Variants in SLC3A1 observed in about 807,000 individuals in gnomAD.
SLC3A1 encodes the protein solute carrier family 3 member 1, also known as amino acid transporter heavy chain SLC3A1.
Under a neutral mutation model 60.3 loss-of-function variants are expected in SLC3A1, and 78 were observed. The ratio of observed to expected loss-of-function variants is 1.29; its 90% CI spans 1.08 to 1.56. The LOEUF is 1.56. SLC3A1 is among the 40% of genes most tolerant of loss of function. The probability of loss-of-function intolerance (pLI) is 0.00; values close to 1 mark genes in which losing one functional copy is unlikely to be tolerated. For synonymous variants in SLC3A1, 392 were observed against 307.9 expected, an observed-to-expected ratio of 1.27 and a Z score of -2.86; for missense variants, 1,172 against 858.9, an observed-to-expected ratio of 1.36 and a Z score of -4.56.
At chr2:44,300,369 A>T (rs1199446232) in intron 5 of SLC3A1, among the ~76,000 whole-genome samples, 1 of 152,226 alleles carries the variant, frequency 6.6e-6, no homozygotes, top group Non-Finnish European at 1.5e-5. Flanking sequence ...CAAGGGCCAC[A>T]AAATAGAGGA....
chr2:44,303,797 T>C, intron 6 of SLC3A1: 2 of 445,754 alleles, frequency 4.5e-6, no homozygotes, highest in South Asian at 4.4e-5. Flanking sequence ...GTTCTCGTTA[T>C]TCAACTCCCA....
At position 44,300,027 on chromosome 2, in the gene SLC3A1, T is replaced by A; in HGVS notation, c.948T>A (p.Val316=). 3 of 1,613,870 alleles carry A rather than the reference T, an allele frequency of 1.9e-6. No individual in the cohort carries two copies. Among genetic ancestry groups the A allele is most frequent in the Non-Finnish European group, 2.5e-6 (3 of 1,179,742 alleles). ...KGVDGFSLDA[V]KFLLEAKHLR... ...TTGATGGTTTTAGTTTGGATGCTGTTAAATTCCTCCTAGAAGCAAAGCACC... is the reference window on the plus strand; with the variant it reads ...TTGATGGTTTTAGTTTGGATGCTGTAAAATTCCTCCTAGAAGCAAAGCACC... The change falls in exon 5 of 10, where the codon GTT becomes GTA. Residue 316 remains valine (V), a synonymous_variant. Coordinates refer to ENST00000260649, the MANE Select transcript of SLC3A1 (RefSeq NM_000341.4).
At chr2:44,300,569 G>C (rs1239174567) in intron 5 of SLC3A1, among the ~76,000 whole-genome samples, 2 of 152,148 alleles carry the variant, frequency 1.3e-5, no homozygotes, top group Non-Finnish European at 2.9e-5. Flanking sequence ...CCCCGAGAAA[G>C]TATAACAGTT....
At position 44,301,050 on chromosome 2, in the gene SLC3A1, G is replaced by A. The variant is rs371470993; in HGVS notation, c.1059G>A (p.Thr353=). The part of the protein sequence containing the change: ...YSELYHDFTT[T]QVGMHDIVRS... The stretch of plus-strand genomic sequence containing the variant: ...AGCTGTACCATGACTTCACCACCAC[G>A]CAGGTGGGAATGCACGACATTGTCC... Residue 353 remains threonine, a synonymous_variant, in exon 6 of 10, where the codon ACG becomes ACA. Transcript: ENST00000260649. 40 of 1,613,928 alleles carry A rather than the reference G, an allele frequency of 2.5e-5. No individual in the cohort carries two copies. Among genetic ancestry groups the A allele is most frequent in the Admixed American group, 1.5e-4 (9 of 60,000 alleles).
chr2:44,292,522 C>T (rs1256535609), intron 4 of SLC3A1, among the ~76,000 whole-genome samples: 4 of 151,910 alleles, frequency 2.6e-5, no homozygotes, highest in South Asian at 4.2e-4. Flanking sequence ...GGCTTATATT[C>T]TGGGGTGGGA....
chr2:44,321,774 C>A (rs753998704), downstream of SLC3A1: 1 of 1,613,554 alleles, frequency 6.2e-7, no homozygotes, highest in Non-Finnish European at 8.5e-7. Context: ...AATGTGAAAA[C>A]AACATGTATC....
intron 3 of SLC3A1, among the ~76,000 whole-genome samples, chr2:44,281,879 A>AT (rs978816071): frequency 2.3e-4 from 34 of 149,592 alleles, no homozygotes; most frequent in Admixed American, 1.5e-3. Context: ...ACCCCTTTGC[A>AT]TTTTTTTTTC....
rs1183958914 is a variant in SLC3A1, at chr2:44,275,567, T to C, written c.32T>C (p.Ile11Thr). Residue 11 changes from isoleucine to threonine, a missense_variant, in exon 1 of 10, where the codon ATC becomes ACC. Coordinates refer to ENST00000260649, the MANE Select transcript of SLC3A1 (RefSeq NM_000341.4). MAEDKSKRDS[I>T]EMSMKGCQTN... is the part of the protein sequence containing the mutation. ...GAAGATAAAAGCAAGAGAGACTCCA[T>C]CGAGATGAGTATGAAGGGATGCCAG... is the stretch of plus-strand genomic sequence containing the variant. 6.2e-7 allele frequency: 1 copy of C among 1,613,976 alleles called. No homozygotes were observed. The highest frequency in any genetic ancestry group is 1.7e-5 in the Admixed American group (1 of 59,990).
At chr2:44,292,149 C>T (rs1363087866) in intron 4 of SLC3A1, among the ~76,000 whole-genome samples, 2 of 152,048 alleles carry the variant, frequency 1.3e-5, no homozygotes, top group Admixed American at 6.5e-5. Flanking sequence ...ATGGCCTGGC[C>T]TCGTATCTGG....
chr2:44,289,476 G>C (rs2104347416), intron 4 of SLC3A1, among the ~76,000 whole-genome samples: 1 of 152,166 alleles, frequency 6.6e-6, no homozygotes, highest in South Asian at 2.1e-4. Context: ...CTCCCAAAGT[G>C]CTGGGATTAT....
rs766589688 is a variant in SLC3A1, at chr2:44,275,655, AACAG to A, written c.124_127del (p.Asp42ThrfsTer2). 1.2e-6 allele frequency: 2 copies of A among 1,614,194 alleles called. No individual in the cohort carries two copies. Among genetic ancestry groups the A allele is most frequent in the South Asian group, 1.1e-5 (1 of 91,080 alleles). ...AGCAGACCCCGGATCCAGGAAGCTC[AACAG>A]ACAACCTGAAGCACAGCACCAGGGG... On this transcript the variant is annotated frameshift_variant, in exon 1 of 10. Transcript: ENST00000260649. LOFTEE classifies it high-confidence loss of function.
intron 1 of SLC3A1, among the ~76,000 whole-genome samples, chr2:44,277,557 G>A (rs748391423): frequency 3.3e-5 from 5 of 151,980 alleles, no homozygotes; most frequent in South Asian, 4.2e-4. Context: ...CCAGATCTTC[G>A]GCTTTGGATG....
At position 44,302,674 on chromosome 2, in the gene SLC3A1, A is replaced by G. The variant is rs139211606; in HGVS notation, c.1137-1469A>G. ...TTCCCCCAGGGTTTTGCTTTCAGCA[A>G]TTGAGAGTGCACACCAATAATAAGG... On this transcript the variant is annotated intron_variant, in intron 6 of 9. Transcript: ENST00000260649. Among the ~76,000 whole-genome samples, 25 of 152,372 alleles carry G rather than the reference A, an allele frequency of 1.6e-4. No homozygotes were observed. In the East Asian group the frequency reaches 3.5e-3, roughly 21 times the overall value.
At chr2:44,302,742 G>C (rs995067674) in intron 6 of SLC3A1, among the ~76,000 whole-genome samples, 1 of 152,192 alleles carries the variant, frequency 6.6e-6, no homozygotes, top group Non-Finnish European at 1.5e-5. Context: ...AAGTTCTTTT[G>C]AAGAAAATAC....
At chr2:44,299,819 T>G in intron 4 of SLC3A1, 152 bp from the exon 5 acceptor site, 2 of 809,860 alleles carry the variant, frequency 2.5e-6, no homozygotes, top group South Asian at 3.2e-5. Flanking sequence ...ACAGTTATGC[T>G]AAATAGATAA....
chr2:44,318,788 G>A (rs1055943539), intron 9 of SLC3A1: 3 of 152,222 alleles, frequency 2.0e-5, no homozygotes, highest in Admixed American at 6.5e-5. Context: ...TTTAATAGCA[G>A]ACAAAATATA....
intron 5 of SLC3A1, among the ~76,000 whole-genome samples, chr2:44,300,677 A>G (rs1224349308): frequency 6.6e-6 from 1 of 152,208 alleles, no homozygotes; most frequent in East Asian, 1.9e-4. Flanking sequence ...GAGCTCTATA[A>G]CCACTAAGAT....
intron 6 of SLC3A1, among the ~76,000 whole-genome samples, chr2:44,302,926 C>G (rs529463996): frequency 6.6e-6 from 1 of 152,100 alleles, no homozygotes; most frequent in African/African-American, 2.4e-5. Flanking sequence ...AGGCTTGGTG[C>G]GGTGGCTCAT....
chr2:44,276,474 A>G (rs1185527491), intron 1 of SLC3A1, among the ~76,000 whole-genome samples: 2 of 152,194 alleles, frequency 1.3e-5, no homozygotes, highest in East Asian at 3.9e-4. Context: ...TAAATTCTAA[A>G]AAAGGAAGGG....
Sources: gnomAD v4.1 joint callset for allele counts (sites outside exome capture counted in the v4.1 genomes callset) on GRCh38, gnomAD v4.1.1 for gene constraint, MANE v1.5 for transcripts, NCBI Gene and HGNC (gene_info 2026-07-23, HGNC 2026-07-21) for gene names.